The following ZNF583 variants were observed in gnomAD, a reference collection of about 807,000 sequenced individuals.
ZNF583 encodes zinc finger protein 583.
In ZNF583, 30 loss-of-function variants were observed where a neutral mutation model predicts 55.3. The ratio of observed to expected loss-of-function variants is 0.54; its 90% CI spans 0.41 to 0.74. The LOEUF is 0.74. Ranked by LOEUF, ZNF583 falls within the 30% of genes least tolerant of loss-of-function variation. The probability of loss-of-function intolerance (pLI) is 0.00; values close to 1 mark genes in which losing one functional copy is unlikely to be tolerated. For synonymous variants in ZNF583, 208 were observed against 220.0 expected, an observed-to-expected ratio of 0.95 and a Z score of 0.48; for missense variants, 504 against 664.7, an observed-to-expected ratio of 0.76 and a Z score of 2.66.
chr19:56,421,034 A>C (rs2042405751), intron 4 of ZNF583, among the ~76,000 whole-genome samples: 1 of 151,858 alleles, frequency 6.6e-6, no homozygotes, highest in Non-Finnish European at 1.5e-5. Flanking sequence ...GTACCTTTTT[A>C]TATTATGCTT....
At position 56,427,098 on chromosome 19, in the gene ZNF583, A is replaced by G. The variant is rs2042497066; in HGVS notation, c.*2730A>G. ...AATCTAGTCTGCCCAAAGGATCCCT[A>G]GAGAAGTTCAGGCTTGGAGTTGGCT... On this transcript the variant is annotated 3_prime_UTR_variant, in exon 5 of 5. Coordinates refer to ENST00000333201, the MANE Select transcript of ZNF583 (RefSeq NM_152478.3). 1.3e-5 allele frequency: 2 copies of G among 152,194 alleles called. No homozygotes were observed. The highest frequency in any genetic ancestry group is 1.3e-4 in the Admixed American group (2 of 15,276). The allele number at this position is 152,194 out of a possible 1,614,324, so 9.4% of individuals were successfully genotyped here. A position where few individuals can be genotyped will look rare whatever the true frequency, so the allele number is the denominator to read the frequency against.
chr19:56,422,747 T>C, intron 4 of ZNF583, 144 bp from the exon 5 acceptor site: 1 of 541,376 alleles, frequency 1.8e-6, no homozygotes, highest in Non-Finnish European at 3.1e-6. Flanking sequence ...CTTAAATTCT[T>C]ATTATTTATA....
At chr19:56,419,862 G>C (rs1411137348) in intron 4 of ZNF583, among the ~76,000 whole-genome samples, 1 of 152,092 alleles carries the variant, frequency 6.6e-6, no homozygotes, top group East Asian at 1.9e-4. Context: ...GCTGATATCT[G>C]TTCTTTTTTT....
chr19:56,422,183 G>A (rs1164963363), intron 4 of ZNF583, among the ~76,000 whole-genome samples: 1 of 152,126 alleles, frequency 6.6e-6, no homozygotes, highest in African/African-American at 2.4e-5. Flanking sequence ...TATTCTAAAT[G>A]TAGTAAGAAA....
At chr19:56,420,958 TC>T in intron 4 of ZNF583, among the ~76,000 whole-genome samples, 1 of 152,230 alleles carries the variant, frequency 6.6e-6, no homozygotes, top group Non-Finnish European at 1.5e-5. Flanking sequence ...TTTGCTCATC[TC>T]TATCTTCTTT....
At chr19:56,411,770 C>G (rs2042242557) in intron 2 of ZNF583, among the ~76,000 whole-genome samples, 1 of 152,168 alleles carries the variant, frequency 6.6e-6, no homozygotes, top group South Asian at 2.1e-4. Flanking sequence ...GAGATAGAAG[C>G]TTTTTAAGCA....
chr19:56,418,654 A>G (rs999619797), intron 4 of ZNF583, among the ~76,000 whole-genome samples: 2 of 152,182 alleles, frequency 1.3e-5, no homozygotes, highest in Non-Finnish European at 2.9e-5. Context: ...TTGCCCTCAC[A>G]GTTATTTTGT....
In ZNF583 at chr19:56,414,330, G is replaced by A. The variant is rs1290305322; in HGVS notation, c.137-15G>A. ...TATAGACCTGCCTAATTCCCCTTTTGTTTTTTGTAAGCAGGAGTTTCTGTT... is the reference window on the plus strand; with the variant it reads ...TATAGACCTGCCTAATTCCCCTTTTATTTTTTGTAAGCAGGAGTTTCTGTT... On this transcript the variant is annotated splice_polypyrimidine_tract_variant and intron_variant, in intron 3 of 4. Transcript: ENST00000333201. The A allele has an allele frequency of 4.3e-6, 7 of 1,613,542 alleles. No homozygotes were observed. The highest frequency in any genetic ancestry group is 5.9e-6 in the Non-Finnish European group (7 of 1,179,696).
chr19:56,424,674 T>A lies in ZNF583; in HGVS notation c.*306T>A, dbSNP rs918028802. 4.0e-6 allele frequency: 1 copy of A among 248,512 alleles called. No individual in the cohort carries two copies. The highest frequency in any genetic ancestry group is 7.8e-6 in the Non-Finnish European group (1 of 127,976). The allele number at this position is 248,512 out of a possible 1,614,324, so 15.4% of individuals were successfully genotyped here. On this transcript the variant is annotated 3_prime_UTR_variant, in exon 5 of 5. Coordinates refer to ENST00000333201, the MANE Select transcript of ZNF583 (RefSeq NM_152478.3). ...GTTCCAGGTTACCTTCCAAAGTTTC[T>A]ATCTTGTGTCACTATCCATCTCATT...
chr19:56,415,014 T>TAAA (rs34510402), intron 4 of ZNF583, among the ~76,000 whole-genome samples: 2 of 142,158 alleles, frequency 1.4e-5, no homozygotes. Flanking sequence ...AGAGCCTGTC[T>TAAA]AAAAAAAAAA....
chr19:56,406,697 TG>T (rs1279633523), intron 1 of ZNF583, among the ~76,000 whole-genome samples: 1 of 151,958 alleles, frequency 6.6e-6, no homozygotes, highest in Non-Finnish European at 1.5e-5. Context: ...TGGCTAATTT[TG>T]TGTATTTTTT....
chr19:56,414,120 A>T, intron 3 of ZNF583, 35 bp downstream of exon 3: 1 of 1,561,184 alleles, frequency 6.4e-7, no homozygotes, highest in Non-Finnish European at 8.6e-7. Context: ...GAATCTGTAC[A>T]TGGGACTGAG....
rs1316251327 is a variant in ZNF583 at position 56,423,942 on chromosome 19, G to T, written c.1284G>T (p.Arg428Ser). 6.2e-7 allele frequency: 1 copy of T among 1,612,200 alleles called. No individual in the cohort carries two copies. Among genetic ancestry groups the T allele is most frequent in the Non-Finnish European group, 8.5e-7 (1 of 1,179,470 alleles). Residue 428 changes from arginine to serine, a missense_variant, in exon 5 of 5, where the codon AGG (arginine) becomes AGT (serine). Transcript: ENST00000333201. The stretch of plus-strand genomic sequence containing the variant: ...TTGCATACCTTGATCAACATCAGAG[G>T]GTTCATACTGGAGAGAAACCCTATG... ...SQIAYLDQHQ[R>S]VHTGEKPYEC...
At chr19:56,419,843 T>C (rs2042386762) in intron 4 of ZNF583, among the ~76,000 whole-genome samples, 1 of 152,238 alleles carries the variant, frequency 6.6e-6, no homozygotes, top group Non-Finnish European at 1.5e-5. Flanking sequence ...TGATAACTCC[T>C]CTGGTGTTGC....
intron 4 of ZNF583, among the ~76,000 whole-genome samples, chr19:56,417,923 A>G (rs532880570): frequency 1.3e-5 from 2 of 152,056 alleles, no homozygotes; most frequent in Non-Finnish European, 2.9e-5. Flanking sequence ...TCTATCACCT[A>G]TCACCTTGCT....
rs977209588 is a variant in ZNF583, at chr19:56,427,200, A to G, written c.*2832A>G. ...CTTTGTATGTGAAAGTTATGTCAGT[A>G]GCCCTTGCCAAAAGCCTCCTCACTC... On this transcript the variant is annotated 3_prime_UTR_variant, in exon 5 of 5. Transcript: ENST00000333201. 15 of 152,184 alleles carry G rather than the reference A, an allele frequency of 9.9e-5. No homozygotes were observed. The highest frequency in any genetic ancestry group is 3.3e-4 in the Admixed American group (5 of 15,276). 9.4% of individuals were successfully genotyped at this position (152,184 alleles called of 1,614,324 possible).
chr19:56,411,161 G>A (rs952189927), intron 2 of ZNF583, among the ~76,000 whole-genome samples: 1 of 151,742 alleles, frequency 6.6e-6, no homozygotes, highest in African/African-American at 2.4e-5. Context: ...CTGGTGATGA[G>A]TGCCTGTGGT....
In ZNF583 at chr19:56,424,521, A is replaced by G. The variant is rs2042474754; in HGVS notation, c.*153A>G. ...TGTCAGATGTCCACATTGCAACCAA[A>G]TTTGTATTTTTAAAAATATGTTTAA... On this transcript the variant is annotated 3_prime_UTR_variant, in exon 5 of 5. Transcript: ENST00000333201. 1 of 527,062 alleles carries G rather than the reference A, an allele frequency of 1.9e-6. No individual in the cohort carries two copies. The highest frequency in any genetic ancestry group is 1.9e-5 in the African/African-American group (1 of 52,326). 32.6% of individuals were successfully genotyped at this position (527,062 alleles called of 1,614,324 possible). A position where few individuals can be genotyped will look rare whatever the true frequency, so the allele number is the denominator to read the frequency against.
In ZNF583 at chr19:56,424,011, T is replaced by TG; in HGVS notation, c.1354dup (p.Ala452GlyfsTer16). 6.2e-7 allele frequency: 1 copy of TG among 1,614,050 alleles called. No homozygotes were observed. Among genetic ancestry groups the TG allele is most frequent in the Non-Finnish European group, 8.5e-7 (1 of 1,179,992 alleles). On this transcript the variant is annotated frameshift_variant, in exon 5 of 5. Transcript: ENST00000333201. LOFTEE classifies it high-confidence loss of function. Reference sequence around the variant, plus strand: ...AGGCCTTTAGCAATAGTTCATCACTTGCACAACATCAGAGAAGTCATACTG... The same window carrying TG: ...AGGCCTTTAGCAATAGTTCATCACTTGGCACAACATCAGAGAAGTCATACTG...
Sources: allele counts gnomAD v4.1 joint callset (sites outside exome capture counted in the v4.1 genomes callset), GRCh38; gene constraint gnomAD v4.1.1; transcripts MANE v1.5; gene names NCBI Gene and HGNC (gene_info 2026-07-23, HGNC 2026-07-21).